Variants in SON observed in about 807,000 individuals in gnomAD.
SON encodes SON DNA and RNA binding protein.
Under a neutral mutation model 173.3 loss-of-function variants are expected in SON, and 4 were observed. The observed-to-expected ratio is 0.02, with a 90% CI of 0.01 to 0.05. The LOEUF (loss-of-function observed/expected upper bound fraction) is 0.05. Among genes scored for constraint, SON ranks in the 10% least tolerant of loss-of-function variants. The pLI is 1.00. For missense variants in SON, 2,626 were observed against 3,055.3 expected, an observed-to-expected ratio of 0.86 and a Z score of 3.31; for synonymous variants, 1,190 against 1,105.9, an observed-to-expected ratio of 1.08 and a Z score of -1.51.
At position 33,550,758 on chromosome 21, in the gene SON, G is replaced by T. The variant is rs1569052738; in HGVS notation, c.1527G>T (p.Thr509=). The change falls in exon 3 of 12, where the codon ACG becomes ACT. Residue 509 remains threonine, a synonymous_variant. Coordinates refer to ENST00000356577, the MANE Select transcript of SON (RefSeq NM_138927.4). ...TGGAGTTGACCGAACAACCTGTGAC[G>T]ACGACAGAGTTGGAGCAGCCTGTGG... ...VAMELTEQPV[T]TTELEQPVGM... The T allele has an allele frequency of 1.9e-6, 3 of 1,614,196 alleles. No individual in the cohort carries two copies. The highest frequency in any genetic ancestry group is 2.5e-6 in the Non-Finnish European group (3 of 1,180,028).
chr21:33,553,838 T>A lies in SON; in HGVS notation c.4607T>A (p.Ile1536Lys), dbSNP rs1171990402. The A allele has an allele frequency of 1.9e-6, 3 of 1,613,724 alleles. No homozygotes were observed. Among genetic ancestry groups the A allele is most frequent in the Non-Finnish European group, 2.5e-6 (3 of 1,179,792 alleles). ...SEHGINIDLN[I>K]NNHLIAKEME... is the part of the protein sequence containing the mutation. ...CATGGTATAAATATAGACCTTAATATAAATAATCATTTAATTGCTAAAGAG... is the reference window on the plus strand; with the variant it reads ...CATGGTATAAATATAGACCTTAATAAAAATAATCATTTAATTGCTAAAGAG... The change falls in exon 3 of 12, where the codon ATA becomes AAA. Residue 1536 changes from isoleucine to lysine, a missense_variant. Coordinates refer to ENST00000356577, the MANE Select transcript of SON (RefSeq NM_138927.4).
Position 33,543,084 on chromosome 21 carries a change from G to A in SON, c.-9G>A. The A allele has an allele frequency of 2.5e-6, 4 of 1,613,972 alleles. No individual in the cohort carries two copies. Among genetic ancestry groups the A allele is most frequent in the East Asian group, 2.2e-5 (1 of 44,890 alleles). On this transcript the variant is annotated 5_prime_UTR_variant, in exon 1 of 12. Transcript: ENST00000356577. ...AGCGAGGAGGAGTTGAGAGAACGGA[G>A]CGGACGCCATGGCGACCAACATCGA...
chr21:33,554,574 GTCT>G lies in SON; in HGVS notation c.5349_5351del (p.Ser1784del), dbSNP rs755114362. ...GTAGTATGCCAGAAAGAGCTTCAGA[GTCT>G]TCTTCAGAGGAAAAAGATGATTATG... On this transcript the variant is annotated inframe_deletion, in exon 3 of 12. Transcript: ENST00000356577. 1.9e-6 allele frequency: 3 copies of G among 1,613,940 alleles called. No homozygotes were observed. Among genetic ancestry groups the G allele is most frequent in the South Asian group, 1.1e-5 (1 of 91,072 alleles).
chr21:33,546,459 A>G, intron 2 of SON, 80 bp downstream of exon 2: 1 of 1,133,122 alleles, frequency 8.8e-7, no homozygotes, highest in South Asian at 1.4e-5. Flanking sequence ...TTAGTTTTTG[A>G]CTTCAGTATT....
At chr21:33,570,681 A>G (rs1193390439) in intron 8 of SON, among the ~76,000 whole-genome samples, 1 of 152,158 alleles carries the variant, frequency 6.6e-6, no homozygotes, top group Non-Finnish European at 1.5e-5. Flanking sequence ...ATGTACATCT[A>G]TTTCTTTAGT....
In SON at chr21:33,552,839, C is replaced by T. The variant is rs150717829; in HGVS notation, c.3608C>T (p.Pro1203Leu). The T allele has an allele frequency of 2.4e-4, 381 of 1,614,124 alleles. No homozygotes were observed. In the African/African-American group the frequency reaches 4.5e-3, roughly 19 times the overall value. The change falls in exon 3 of 12, where the codon CCA becomes CTA. Residue 1203 changes from proline to leucine, a missense_variant. By Grantham distance (98) the Pro-to-Leu change is moderately conservative (BLOSUM62 -3). Transcript: ENST00000356577. This position sits in a 1 kb window ranked among gnomAD's most constrained non-coding sequence, Gnocchi z 5.6. Reference protein sequence around the residue: ...NTWPTEVPSSPSEESVSQPEP... With the variant: ...NTWPTEVPSSLSEESVSQPEP... ...TGGCCTACAGAGGTGCCATCATCAC[C>T]ATCTGAAGAGTCTGTATCGCAGCCT...
Position 33,553,914 on chromosome 21 carries a change from T to G in SON, c.4683T>G (p.Ile1561Met), listed in dbSNP as rs781282484. 6 of 1,613,944 alleles carry G rather than the reference T, an allele frequency of 3.7e-6. No individual in the cohort carries two copies. The African/African-American group carries it at 5.3e-5, about 14-fold the overall frequency. ...CTGGTACTAGTCCTGTTGGGGAAAT[T>G]GGTGAAGAGAAAATTTTGCCCACCA... ...CAAGTSPVGE[I>M]GEEKILPTSE... The change falls in exon 3 of 12, where the codon ATT becomes ATG. Residue 1561 changes from isoleucine to methionine, a missense_variant. By Grantham distance (10) the Ile-to-Met change is conservative (BLOSUM62 1). Around this residue, in one of 13 missense-constraint regions of SON, gnomAD observed 1,006 missense variants for 895.6 expected, o/e 1.12. Transcript: ENST00000356577.
At position 33,554,059 on chromosome 21, in the gene SON, A is replaced by G. The variant is rs1277498918; in HGVS notation, c.4828A>G (p.Lys1610Glu). 1 of 1,614,002 alleles carries G rather than the reference A, an allele frequency of 6.2e-7. No individual in the cohort carries two copies. The highest frequency in any genetic ancestry group is 8.5e-7 in the Non-Finnish European group (1 of 1,180,018). Residue 1610 changes from lysine to glutamate, a missense_variant, in exon 3 of 12, where the codon AAG becomes GAG. Around this residue, in one of 13 missense-constraint regions of SON, gnomAD observed 1,006 missense variants for 895.6 expected, o/e 1.12. Transcript: ENST00000356577. ...GGAACCTGATGCAACAGGAACTAGTAAGGGTATTGAATTTACCACAGCATC... is the reference window on the plus strand; with the variant it reads ...GGAACCTGATGCAACAGGAACTAGTGAGGGTATTGAATTTACCACAGCATC... ...ALEPDATGTS[K>E]GIEFTTASTL...
intron 8 of SON, chr21:33,572,492 A>ATGAC: frequency 9.7e-7 from 1 of 1,033,350 alleles, no homozygotes; most frequent in East Asian, 6.0e-5. Context: ...TACAAGAGAG[A>ATGAC]TGACTGTTCA....
intron 7 of SON, among the ~76,000 whole-genome samples, chr21:33,568,518 T>A (rs942801512): frequency 1.3e-5 from 2 of 152,224 alleles, no homozygotes; most frequent in Non-Finnish European, 2.9e-5. Flanking sequence ...GTCGTTTATG[T>A]ATTCAAGTGG....
chr21:33,569,278 G>A, intron 8 of SON, 191 bp downstream of exon 8: 1 of 531,908 alleles, frequency 1.9e-6, no homozygotes, highest in Non-Finnish European at 3.4e-6. Context: ...GTATAAATGT[G>A]GCTCAAGAGC....
At chr21:33,574,514 T>G (rs1297485201) in intron 9 of SON, among the ~76,000 whole-genome samples, 2 of 152,206 alleles carry the variant, frequency 1.3e-5, no homozygotes, top group African/African-American at 4.8e-5. Flanking sequence ...GTTGAAAAAT[T>G]TCCTGTAACA....
Position 33,553,269 on chromosome 21 carries a change from G to A in SON, c.4038G>A (p.Pro1346=), listed in dbSNP as rs138719470. The change falls in exon 3 of 12, where the codon CCG becomes CCA. Residue 1346 remains proline (P), a synonymous_variant. Transcript: ENST00000356577. ...TGCTGGCAGAGAGCATTCTGGAGCC[G>A]CCAGCCATGGCTGCCCCAGAGTCTT... ...TPVLAESILE[P]PAMAAPESSA... 2.2e-5 allele frequency: 36 copies of A among 1,613,944 alleles called. No homozygotes were observed. Among genetic ancestry groups the A allele is most frequent in the Non-Finnish European group, 2.6e-5 (31 of 1,180,022 alleles).
intron 8 of SON, chr21:33,572,677 C>A: frequency 2.0e-6 from 2 of 997,016 alleles, no homozygotes; most frequent in Non-Finnish European, 2.8e-6. Context: ...TAACATCAAG[C>A]TAGGTTTTAA....
At chr21:33,548,491 A>G (rs1209912911) in intron 2 of SON, among the ~76,000 whole-genome samples, 1 of 152,248 alleles carries the variant, frequency 6.6e-6, no homozygotes, top group Admixed American at 6.5e-5. Context: ...TGAGTTCTCT[A>G]TGAATATTTT....
rs1569059583 is a variant in SON, at chr21:33,555,174, CAGCCGCCGGAGCCGCACCCCT to C, written c.5949_5969del (p.Ser1992_Arg1998del). 27 of 1,489,404 alleles carry C rather than the reference CAGCCGCCGGAGCCGCACCCCT, an allele frequency of 1.8e-5. No homozygotes were observed. The African/African-American group carries it at 2.5e-4, about 14-fold the overall frequency. 92.3% of individuals were successfully genotyped at this position (1,489,404 alleles called of 1,614,324 possible). Reference sequence around the variant, plus strand: ...CCCCCAGCCGCCGCAGCCGCACCCCCAGCCGCCGGAGCCGCACCCCTAGCCGTCGGAGCCGCACCCCAAGCC... The same window carrying C: ...CCCCCAGCCGCCGCAGCCGCACCCCCAGCCGTCGGAGCCGCACCCCAAGCC... On this transcript the variant is annotated inframe_deletion, in exon 3 of 12. Coordinates refer to ENST00000356577, the MANE Select transcript of SON (RefSeq NM_138927.4).
intron 8 of SON, chr21:33,569,761 T>C (rs1601294091): frequency 3.2e-6 from 1 of 309,680 alleles, no homozygotes; most frequent in Non-Finnish European, 6.5e-6. Context: ...TGGAGTGGGG[T>C]GGGCTGTGGT....
rs999224846 is a variant in SON, at chr21:33,568,831, T to C, written c.6769-140T>C. 4 of 559,868 alleles carry C rather than the reference T, an allele frequency of 7.1e-6. No homozygotes were observed. In the African/African-American group the frequency reaches 7.7e-5, roughly 11 times the overall value. 34.7% of individuals were successfully genotyped at this position (559,868 alleles called of 1,614,324 possible). A position where few individuals can be genotyped will look rare whatever the true frequency, so the allele number is the denominator to read the frequency against. On this transcript the variant is annotated intron_variant, in intron 7 of 11. Coordinates refer to ENST00000356577, the MANE Select transcript of SON (RefSeq NM_138927.4). ...TGTCAAACTGCTTCTTTAGAAAGTT[T>C]AGGCAAACATTTAATGTTAAATATG...
rs777093067 is a variant in SON, at chr21:33,554,375, C to G, written c.5144C>G (p.Thr1715Arg). ...GAAGTACCTCCCCCTCCTAAAGAGA[C>G]ACTGCCTGATTCAGGATTTTCTGCC... ...EKEVPPPPKE[T>R]LPDSGFSANI... The change falls in exon 3 of 12, where the codon ACA becomes AGA. Residue 1715 changes from threonine (T) to arginine (R), a missense_variant. Thr to Arg is a moderately conservative substitution (Grantham distance 71). Transcript: ENST00000356577. The G allele has an allele frequency of 2.0e-5, 33 of 1,614,072 alleles. No individual in the cohort carries two copies. Among genetic ancestry groups the G allele is most frequent in the Non-Finnish European group, 3.4e-6 (4 of 1,180,018 alleles).
Sources: gnomAD v4.1 joint callset for allele counts (sites outside exome capture counted in the v4.1 genomes callset) on GRCh38, gnomAD v4.1.1 for gene constraint, gnomAD v4.1.1 regional missense constraint, Gnocchi (gnomAD v3.1) non-coding constraint, MANE v1.5 for transcripts, NCBI Gene and HGNC (gene_info 2026-07-23, HGNC 2026-07-21) for gene names.